The following GPR6 variants were observed in gnomAD, a reference collection of about 807,000 sequenced individuals.
GPR6 encodes the protein sphingosine 1-phosphate receptor GPR6.
In GPR6, 14 loss-of-function variants were observed where a neutral mutation model predicts 18.5. The observed-to-expected ratio is 0.76, with a 90% CI of 0.50 to 1.18. GPR6 has a LOEUF of 1.18. Among genes scored for constraint, GPR6 ranks in the 50% most tolerant of loss-of-function variants. GPR6 has a pLI of 0.00. For synonymous variants in GPR6, 299 were observed against 240.9 expected (o/e 1.24, Z -2.23); for missense variants, 477 against 495.9 (o/e 0.96, Z 0.36).
intron 1 of GPR6, 192 bp from the exon 2 acceptor site, chr6:109,978,903 G>A (rs1336115143): frequency 8.6e-6 from 13 of 1,520,014 alleles, no homozygotes; most frequent in Admixed American, 2.0e-5. Context: ...GTCCGCGTGG[G>A]CATTTCACTC....
rs1210206871 is a variant in GPR6, at chr6:109,980,221, C to T, written c.*20C>T. 1.2e-6 allele frequency: 2 copies of T among 1,613,820 alleles called. No homozygotes were observed. Among genetic ancestry groups the T allele is most frequent in the Non-Finnish European group, 1.7e-6 (2 of 1,179,902 alleles). ...GTCTGAAGGGCTCGCCCCGTGTCCT[C>T]TCACCAACACCACACCCCAACAAGC... On this transcript the variant is annotated 3_prime_UTR_variant, in exon 2 of 2. Transcript: ENST00000275169.
At chr6:109,979,004 G>A in intron 1 of GPR6, 91 bp from the exon 2 acceptor site, 1 of 1,543,308 alleles carries the variant, frequency 6.5e-7, no homozygotes, top group African/African-American at 1.4e-5. Context: ...GGCAACTCAA[G>A]TGGGGCAATG....
chr6:109,979,989 C>T lies in GPR6; in HGVS notation c.877C>T (p.Leu293=), dbSNP rs1202344825. The stretch of plus-strand genomic sequence containing the variant: ...GCTGGGCACTTTCGGCGCCAGCTGG[C>T]TGCCCTTCGCCATCTATTGCGTGGT... The part of the protein sequence containing the change: ...VVLGTFGASW[L]PFAIYCVVGS... Residue 293 remains leucine (L), a synonymous_variant, in exon 2 of 2, where the codon CTG becomes TTG. Transcript: ENST00000275169. 1.2e-6 allele frequency: 2 copies of T among 1,612,978 alleles called. No individual in the cohort carries two copies. The highest frequency in any genetic ancestry group is 1.7e-6 in the Non-Finnish European group (2 of 1,180,042).
chr6:109,979,640 T>C lies in GPR6; in HGVS notation c.528T>C (p.Tyr176=). Residue 176 remains tyrosine, a synonymous_variant, in exon 2 of 2, where the codon TAT becomes TAC. Coordinates refer to ENST00000275169, the MANE Select transcript of GPR6 (RefSeq NM_005284.5). ...RYLSLYNALT[Y]YSRRTLLGVH... ...TGTCCCTGTATAACGCGCTCACCTA[T>C]TACTCGCGCCGGACCCTGTTGGGCG... 6.2e-7 allele frequency: 1 copy of C among 1,612,410 alleles called. No homozygotes were observed. The highest frequency in any genetic ancestry group is 8.5e-7 in the Non-Finnish European group (1 of 1,179,974).
chr6:109,978,816 T>C (rs1283764585), intron 1 of GPR6: 1 of 1,535,740 alleles, frequency 6.5e-7, no homozygotes, highest in Non-Finnish European at 8.7e-7. Flanking sequence ...CGTGTGCAAA[T>C]ACAGGCAGCC....
In GPR6 at chr6:109,979,532, G is replaced by C; in HGVS notation, c.420G>C (p.Val140=). ...AGTACTTGGTGCCCTCGGAGACTGT[G>C]AGTCTGCTCACGGTGGGCTTCCTCG... ...VFQYLVPSET[V]SLLTVGFLVA... is the part of the protein sequence containing the mutation. The change falls in exon 2 of 2, where the codon GTG becomes GTC. Residue 140 remains valine (V), a synonymous_variant. Coordinates refer to ENST00000275169, the MANE Select transcript of GPR6 (RefSeq NM_005284.5). The C allele has an allele frequency of 6.2e-7, 1 of 1,613,198 alleles. No homozygotes were observed. The highest frequency in any genetic ancestry group is 8.5e-7 in the Non-Finnish European group (1 of 1,180,006).
Position 109,979,235 on chromosome 6 carries a change from G to C in GPR6, c.123G>C (p.Ala41=). The change falls in exon 2 of 2, where the codon GCG becomes GCC. Residue 41 remains alanine (A), a synonymous_variant. Coordinates refer to ENST00000275169, the MANE Select transcript of GPR6 (RefSeq NM_005284.5). ...PDTGEWGPPA[A]AALGAGGGAN... is the part of the protein sequence containing the mutation. ...CGGGCGAATGGGGACCCCCTGCTGC[G>C]GCGGCTCTAGGAGCCGGCGGCGGAG... 1 of 1,607,736 alleles carries C rather than the reference G, an allele frequency of 6.2e-7. No homozygotes were observed. The highest frequency in any genetic ancestry group is 1.1e-5 in the South Asian group (1 of 90,804).
chr6:109,979,302 C>A lies in GPR6; in HGVS notation c.190C>A (p.Pro64Thr), dbSNP rs1299973521. 1 of 1,613,342 alleles carries A rather than the reference C, an allele frequency of 6.2e-7. No individual in the cohort carries two copies. Among genetic ancestry groups the A allele is most frequent in the South Asian group, 1.1e-5 (1 of 91,080 alleles). ...LELSSQLSAG[P>T]PGLLLPAVNP... Reference sequence around the variant, plus strand: ...GCTGTCCTCGCAGCTGTCGGCTGGGCCACCGGGACTCCTGCTGCCAGCGGT... The same window carrying A: ...GCTGTCCTCGCAGCTGTCGGCTGGGACACCGGGACTCCTGCTGCCAGCGGT... Residue 64 changes from proline to threonine, a missense_variant, in exon 2 of 2, where the codon CCA becomes ACA. Transcript: ENST00000275169.
In GPR6 at chr6:109,980,236, C is replaced by T. The variant is rs35379454; in HGVS notation, c.*35C>T. On this transcript the variant is annotated 3_prime_UTR_variant, in exon 2 of 2. Transcript: ENST00000275169. ...CCCGTGTCCTCTCACCAACACCACA[C>T]CCCAACAAGCCAGCCTTTGGTAAGC... 9.9e-6 allele frequency: 16 copies of T among 1,611,874 alleles called. No homozygotes were observed. In the East Asian group the frequency reaches 3.3e-4, roughly 34 times the overall value.
In GPR6 at chr6:109,979,761, A is replaced by C; in HGVS notation, c.649A>C (p.Ser217Arg). 1 of 1,599,780 alleles carries C rather than the reference A, an allele frequency of 6.3e-7. No homozygotes were observed. ...CTGCCTGGCAGAGCGCGCCGCCTGC[A>C]GCGTGGTGCGCCCGCTGGCGCGCAG... is the stretch of plus-strand genomic sequence containing the variant. Reference protein sequence around the residue: ...WNCLAERAACSVVRPLARSHV... With the variant: ...WNCLAERAACRVVRPLARSHV... The change falls in exon 2 of 2, where the codon AGC becomes CGC. Residue 217 changes from serine (S) to arginine (R), a missense_variant. Transcript: ENST00000275169.
intron 1 of GPR6, 90 bp from the exon 2 acceptor site, chr6:109,979,005 T>TG: frequency 6.5e-7 from 1 of 1,542,682 alleles, no homozygotes; most frequent in Non-Finnish European, 8.7e-7. Context: ...GCAACTCAAG[T>TG]GGGGCAATGC....
intron 1 of GPR6, 145 bp from the exon 2 acceptor site, chr6:109,978,950 A>G (rs1583857550): frequency 1.3e-6 from 2 of 1,532,960 alleles, no homozygotes; most frequent in Non-Finnish European, 1.8e-6. Flanking sequence ...GTTCGCACTT[A>G]ACCCATGATT....
Position 109,979,892 on chromosome 6 carries a change from G to T in GPR6, c.780G>T (p.Ala260=), listed in dbSNP as rs769161757. 1 of 1,611,400 alleles carries T rather than the reference G, an allele frequency of 6.2e-7. No individual in the cohort carries two copies. Among genetic ancestry groups the T allele is most frequent in the South Asian group, 1.1e-5 (1 of 91,064 alleles). Reference sequence around the variant, plus strand: ...TCTGGCGCCACGCGCACCAGATCGCGCTGCAGCAGCACTGCCTGGCGCCAC... The same window carrying T: ...TCTGGCGCCACGCGCACCAGATCGCTCTGCAGCAGCACTGCCTGGCGCCAC... ...QVVWRHAHQI[A]LQQHCLAPPH... Residue 260 remains alanine, a synonymous_variant, in exon 2 of 2, where the codon GCG becomes GCT. Transcript: ENST00000275169.
At chr6:109,978,523 G>C in intron 1 of GPR6, 56 bp downstream of exon 1, 1 of 507,790 alleles carries the variant, frequency 2.0e-6, no homozygotes, top group Non-Finnish European at 3.5e-6. Context: ...AGGGGAGAAA[G>C]ATATCCAGGG....
At position 109,980,287 on chromosome 6, in the gene GPR6, A is replaced by AT. The variant is rs1304380173; in HGVS notation, c.*87dup. 1 of 1,556,598 alleles carries AT rather than the reference A, an allele frequency of 6.4e-7. No individual in the cohort carries two copies. Among genetic ancestry groups the AT allele is most frequent in the African/African-American group, 1.4e-5 (1 of 72,494 alleles). On this transcript the variant is annotated 3_prime_UTR_variant, in exon 2 of 2. Transcript: ENST00000275169. ...TCGGTGCCTGCTGACGAACTCTGAG[A>AT]TCCCAATGGTGTGAGTCTGACTTTG...
chr6:109,979,105 C>T lies in GPR6; in HGVS notation c.-8C>T, dbSNP rs1771014544. On this transcript the variant is annotated 5_prime_UTR_variant, in exon 2 of 2. Coordinates refer to ENST00000275169, the MANE Select transcript of GPR6 (RefSeq NM_005284.5). ...TCCCTCCCTATGCAGGGTGCAAATC[C>T]GGCCGCGATGAACGCGAGCGCCGCC... 1 of 1,574,180 alleles carries T rather than the reference C, an allele frequency of 6.4e-7. No individual in the cohort carries two copies. Among genetic ancestry groups the T allele is most frequent in the Non-Finnish European group, 8.5e-7 (1 of 1,170,426 alleles).
In GPR6 at chr6:109,979,463, T is replaced by C. The variant is rs750943112; in HGVS notation, c.351T>C (p.Ala117=). The C allele has an allele frequency of 1.2e-6, 2 of 1,613,382 alleles. No homozygotes were observed. Among genetic ancestry groups the C allele is most frequent in the Non-Finnish European group, 1.7e-6 (2 of 1,179,988 alleles). The change falls in exon 2 of 2, where the codon GCT becomes GCC. Residue 117 remains alanine (A), a synonymous_variant. Transcript: ENST00000275169. ...TGCTGGTAGGCAGCCTGGCCACCGC[T>C]GACCTGTTGGCGGGCTGTGGCCTCA... The part of the protein sequence containing the change: ...MFVLVGSLAT[A]DLLAGCGLIL...
At position 109,979,775 on chromosome 6, in the gene GPR6, G is replaced by A. The variant is rs1465122791; in HGVS notation, c.663G>A (p.Pro221=). 3 of 1,598,116 alleles carry A rather than the reference G, an allele frequency of 1.9e-6. No individual in the cohort carries two copies. The South Asian group carries it at 3.3e-5, about 18-fold the overall frequency. The change falls in exon 2 of 2, where the codon CCG becomes CCA. Residue 221 remains proline (P), a synonymous_variant. Coordinates refer to ENST00000275169, the MANE Select transcript of GPR6 (RefSeq NM_005284.5). The part of the protein sequence containing the change: ...AERAACSVVR[P]LARSHVALLS... Reference sequence around the variant, plus strand: ...GCGCCGCCTGCAGCGTGGTGCGCCCGCTGGCGCGCAGCCACGTGGCTCTGC... The same window carrying A: ...GCGCCGCCTGCAGCGTGGTGCGCCCACTGGCGCGCAGCCACGTGGCTCTGC...
At position 109,980,292 on chromosome 6, in the gene GPR6, A is replaced by T. The variant is rs1771060937; in HGVS notation, c.*91A>T. On this transcript the variant is annotated 3_prime_UTR_variant, in exon 2 of 2. Transcript: ENST00000275169. ...GCCTGCTGACGAACTCTGAGATCCC[A>T]ATGGTGTGAGTCTGACTTTGGAAAG... is the stretch of plus-strand genomic sequence containing the variant. 11 of 1,544,430 alleles carry T rather than the reference A, an allele frequency of 7.1e-6. No homozygotes were observed. In the South Asian group the frequency reaches 1.3e-4, roughly 18 times the overall value.
Sources: gnomAD v4.1 joint callset for allele counts on GRCh38, gnomAD v4.1.1 for gene constraint, MANE v1.5 for transcripts, NCBI Gene and HGNC (gene_info 2026-07-23, HGNC 2026-07-21) for gene names.